AKAP13: variants seen among roughly 807,000 people sequenced by gnomAD.
AKAP13 encodes the protein A-kinase anchoring protein 13, also known as A-kinase anchor protein 13.
Under a neutral mutation model 264.5 loss-of-function variants are expected in AKAP13, and 80 were observed. The ratio of observed to expected loss-of-function variants is 0.30; its 90% CI spans 0.25 to 0.36. The LOEUF is 0.36. Ranked by LOEUF, AKAP13 falls within the 10% of genes least tolerant of loss-of-function variation. AKAP13 has a pLI of 1.00. For missense variants in AKAP13, 3,712 were observed against 3,435.2 expected, an observed-to-expected ratio of 1.08 and a Z score of -2.01; for synonymous variants, 1,380 against 1,250.2, an observed-to-expected ratio of 1.10 and a Z score of -2.19.
intron 19 of AKAP13, among the ~76,000 whole-genome samples, chr15:85,712,220 A>C (rs191104980): frequency 6.6e-6 from 1 of 152,286 alleles, no homozygotes; most frequent in Admixed American, 6.5e-5. Flanking sequence ...TTCTCTGAGT[A>C]CTTCCAGATA....
chr15:85,716,874 G>T (rs2086981014), intron 20 of AKAP13, among the ~76,000 whole-genome samples: 1 of 152,232 alleles, frequency 6.6e-6, no homozygotes, highest in African/African-American at 2.4e-5. Flanking sequence ...GTGCTAGCTG[G>T]TGAGTTGGGA....
chr15:85,630,273 A>ACACACACAAAC (rs1329396604), intron 8 of AKAP13, among the ~76,000 whole-genome samples: 1 of 151,372 alleles, frequency 6.6e-6, no homozygotes, highest in Non-Finnish European at 1.5e-5. Context: ...ACACAAACAC[A>ACACACACAAAC]ATGAACTAAG....
chr15:85,395,124 A>G (rs1324624276), intron 1 of AKAP13, among the ~76,000 whole-genome samples: 1 of 152,194 alleles, frequency 6.6e-6, no homozygotes, highest in African/African-American at 2.4e-5. Context: ...GTTCAGAAGA[A>G]TCTTTGTGTA....
At chr15:85,381,521 CTTTTTTTTT>C (rs1168869870) in intron 1 of AKAP13, among the ~76,000 whole-genome samples, 1 of 64,290 alleles carries the variant, frequency 1.6e-5, no homozygotes, top group Non-Finnish European at 2.6e-5. Context: ...CGGTTTACTG[CTTTTTTTTT>C]TTTTTTTTTT....
intron 8 of AKAP13, among the ~76,000 whole-genome samples, chr15:85,634,407 C>T (rs1027146029): frequency 6.6e-6 from 1 of 152,082 alleles, no homozygotes; most frequent in Admixed American, 6.5e-5. Context: ...TTCACAACTA[C>T]TTAGTAGTTT....
chr15:85,556,225 TAAAC>T (rs2078140616), intron 5 of AKAP13, among the ~76,000 whole-genome samples: 1 of 152,224 alleles, frequency 6.6e-6, no homozygotes, highest in Non-Finnish European at 1.5e-5. Context: ...AAGTAAATAA[TAAAC>T]CAACAACATA....
In AKAP13 at chr15:85,726,430, A is replaced by C; in HGVS notation, c.6766A>C (p.Thr2256Pro). 6.2e-7 allele frequency: 1 copy of C among 1,613,744 alleles called. No homozygotes were observed. Among genetic ancestry groups the C allele is most frequent in the East Asian group, 2.2e-5 (1 of 44,856 alleles). The change falls in exon 27 of 37, where the codon ACT (threonine) becomes CCT (proline). Residue 2256 changes from threonine to proline, a missense_variant. Transcript: ENST00000394518. ...RLKEVQAVLL[T>P]DILVFLQEKD... ...TCCAGAGGTTCAAGCAGTTCTTCTC[A>C]CTGACATTTTAGTTTTCCTTCAAGA...
chr15:85,716,399 T>C lies in AKAP13; in HGVS notation c.5735+476T>C, dbSNP rs189319088. Among the ~76,000 whole-genome samples the C allele has an allele frequency of 1.3e-3, 200 of 152,290 alleles. 1 individual carries two copies. The highest frequency in any genetic ancestry group is 0.01 in the Middle Eastern group (3 of 294). On this transcript the variant is annotated intron_variant, in intron 20 of 36. Transcript: ENST00000394518. ...ATGGAGGTGAGTGCTGAGCCAATTA[T>C]TACTATTAGGTTCTCACTCACTCGT...
intron 5 of AKAP13, among the ~76,000 whole-genome samples, chr15:85,556,251 A>G (rs1244532664): frequency 6.6e-6 from 1 of 152,242 alleles, no homozygotes; most frequent in East Asian, 1.9e-4. Context: ...TCATTTTATT[A>G]TCGCTATCAA....
Position 85,732,354 on chromosome 15 carries a change from G to C in AKAP13, c.7282+1647G>C, listed in dbSNP as rs188838526. On this transcript the variant is annotated intron_variant, in intron 30 of 36. Coordinates refer to ENST00000394518, the MANE Select transcript of AKAP13 (RefSeq NM_007200.5). Reference sequence around the variant, plus strand: ...TTTTCAGACCACAGTCTGGGTACTGGGAGTGGTCATTGCTGCTAGGTTGAT... The same window carrying C: ...TTTTCAGACCACAGTCTGGGTACTGCGAGTGGTCATTGCTGCTAGGTTGAT... 5.3e-5 allele frequency among the ~76,000 whole-genome samples: 8 copies of C among 151,904 alleles called. No homozygotes were observed. In the East Asian group the frequency reaches 1.5e-3, roughly 29 times the overall value.
In AKAP13 at chr15:85,654,008, C is replaced by T. The variant is rs138844397; in HGVS notation, c.4375-1409C>T. ...CTGGGATTACAGGCATGAGCCACTG[C>T]GCCCAGCCACTGGTATGTTTCAACA... is the stretch of plus-strand genomic sequence containing the variant. On this transcript the variant is annotated intron_variant, in intron 10 of 36. Coordinates refer to ENST00000394518, the MANE Select transcript of AKAP13 (RefSeq NM_007200.5). Among the ~76,000 whole-genome samples, 171 of 152,280 alleles carry T rather than the reference C, an allele frequency of 1.1e-3. 2 individuals carry two copies. The highest frequency in any genetic ancestry group is 3.6e-3 in the African/African-American group (151 of 41,556).
Position 85,647,894 on chromosome 15 carries a change from C to G in AKAP13, c.4374+1940C>G, listed in dbSNP as rs1410786363. ...AGTGAGCCGAGATTGTGCCACTGCA[C>G]TCCAGCCTGGGCGACAGAGCGAGAC... On this transcript the variant is annotated intron_variant, in intron 10 of 36. Transcript: ENST00000394518. Among the ~76,000 whole-genome samples, 3 of 152,126 alleles carry G rather than the reference C, an allele frequency of 2.0e-5. No homozygotes were observed. In the East Asian group the frequency reaches 5.8e-4, roughly 29 times the overall value.
intron 1 of AKAP13, among the ~76,000 whole-genome samples, chr15:85,484,171 T>C (rs2075450794): frequency 1.3e-5 from 2 of 152,220 alleles, no homozygotes; most frequent in Admixed American, 6.5e-5. Context: ...GTGAGCTTAA[T>C]TGTAAATTAA....
chr15:85,426,955 G>GTTTTTTTTTTTTTTT lies in AKAP13; in HGVS notation c.-12+46160_-12+46174dup, dbSNP rs71468105. ...AACCTCCTTAGTATTGTTTTGTTTT[G>GTTTTTTTTTTTTTTT]TTTTTTTTTTTTTTTTTGGGGACGG... On this transcript the variant is annotated intron_variant, in intron 1 of 36. Transcript: ENST00000394518. Among the ~76,000 whole-genome samples, 2 of 125,094 alleles carry GTTTTTTTTTTTTTTT rather than the reference G, an allele frequency of 1.6e-5. 1 individual carries two copies. The allele number at this position is 125,094 out of a possible 152,430, so 82.1% of individuals were successfully genotyped here. A position where few individuals can be genotyped will look rare whatever the true frequency, so the allele number is the denominator to read the frequency against.
intron 1 of AKAP13, among the ~76,000 whole-genome samples, chr15:85,482,529 G>A (rs1272977239): frequency 6.6e-6 from 1 of 152,162 alleles, no homozygotes; most frequent in African/African-American, 2.4e-5. Context: ...TTTGTAGGAT[G>A]GGGCTCGAGG....
rs1181184863 is a variant in AKAP13, at chr15:85,718,829, G to A, written c.6002-247G>A. On this transcript the variant is annotated intron_variant, in intron 22 of 36. Transcript: ENST00000394518. The surrounding 1 kb of genome is among the most constrained non-coding windows in gnomAD (Gnocchi z 4.9). ...GCAGAAAGATCGCTTGAGCCCAGGA[G>A]GTTGAGGCTGCAATGAGCCATGACT... The A allele has an allele frequency of 4.4e-6, 2 of 458,712 alleles. No individual in the cohort carries two copies. Among genetic ancestry groups the A allele is most frequent in the Non-Finnish European group, 7.9e-6 (2 of 253,082 alleles). The allele number at this position is 458,712 out of a possible 1,614,324, so 28.4% of individuals were successfully genotyped here. A position where few individuals can be genotyped will look rare whatever the true frequency, so the allele number is the denominator to read the frequency against.
chr15:85,536,645 AAAG>A (rs2077408981), intron 4 of AKAP13: 2 of 152,264 alleles, frequency 1.3e-5, no homozygotes, highest in Non-Finnish European at 2.9e-5. Context: ...TCAGCAATAA[AAAG>A]AAGCAAACTG....
At chr15:85,736,793 C>G (rs2088553742) in intron 33 of AKAP13, among the ~76,000 whole-genome samples, 1 of 152,134 alleles carries the variant, frequency 6.6e-6, no homozygotes, top group African/African-American at 2.4e-5. Context: ...TTCATAGCAG[C>G]CTTTTCTCTA....
chr15:85,564,265 A>G (rs764738921), intron 5 of AKAP13, among the ~76,000 whole-genome samples: 20 of 152,238 alleles, frequency 1.3e-4, no homozygotes, highest in Non-Finnish European at 2.2e-4. Flanking sequence ...AAAAGATGCA[A>G]GAAACGTGCA....
Sources: gnomAD v4.1 joint callset for allele counts (sites outside exome capture counted in the v4.1 genomes callset) on GRCh38, gnomAD v4.1.1 for gene constraint, Gnocchi (gnomAD v3.1) non-coding constraint, MANE v1.5 for transcripts, NCBI Gene and HGNC (gene_info 2026-07-23, HGNC 2026-07-21) for gene names.